Variants in THRB observed in about 807,000 individuals in gnomAD.
The protein encoded by THRB is nuclear receptor subfamily 1 group A member 2.
THRB carries 12 observed loss-of-function variants against 47.8 expected under a neutral mutation model. The observed-to-expected ratio is 0.25, with a 90% confidence interval of 0.16 to 0.41. The LOEUF (loss-of-function observed/expected upper bound fraction) is 0.41, where lower values mean the gene tolerates loss of function less well. Among genes scored for constraint, THRB ranks in the 10% least tolerant of loss-of-function variants. The pLI is 1.00. For synonymous variants in THRB, 218 were observed against 212.2 expected, an observed-to-expected ratio of 1.03 and a Z score of -0.24; for missense variants, 348 against 589.2, an observed-to-expected ratio of 0.59 and a Z score of 4.24.
intron 5 of THRB, among the ~76,000 whole-genome samples, chr3:24,170,183 C>G (rs769064496): frequency 3.9e-5 from 6 of 152,206 alleles, no homozygotes; most frequent in Non-Finnish European, 8.8e-5. Flanking sequence ...CCACCATCCA[C>G]CTGGGAGCTT....
intron 3 of THRB, among the ~76,000 whole-genome samples, chr3:24,269,938 T>C (rs1414400032): frequency 6.6e-6 from 1 of 152,190 alleles, no homozygotes; most frequent in African/African-American, 2.4e-5. Flanking sequence ...CTGAATTGTT[T>C]TCTCACAAAA....
intron 1 of THRB, among the ~76,000 whole-genome samples, chr3:24,398,972 G>A (rs996177896): frequency 4.0e-5 from 6 of 151,734 alleles, no homozygotes; most frequent in Admixed American, 1.3e-4. Flanking sequence ...GCAAACTATC[G>A]CAAGGACAAA....
intron 1 of THRB, among the ~76,000 whole-genome samples, chr3:24,460,763 G>A (rs1439830390): frequency 6.6e-6 from 1 of 152,146 alleles, no homozygotes; most frequent in African/African-American, 2.4e-5. Flanking sequence ...GTGCTTCCAG[G>A]AATCTTAGTT....
chr3:24,142,357 C>G (rs1019869241), intron 8 of THRB, among the ~76,000 whole-genome samples: 3 of 152,224 alleles, frequency 2.0e-5, no homozygotes, highest in African/African-American at 7.2e-5. Flanking sequence ...CAACAAAGTG[C>G]TGGCACTATT....
intron 1 of THRB, among the ~76,000 whole-genome samples, chr3:24,415,654 AC>A (rs1274136016): frequency 1.3e-5 from 2 of 151,948 alleles, no homozygotes; most frequent in African/African-American, 2.4e-5. Flanking sequence ...AGAAATCCAA[AC>A]TATAAGGTAT....
At chr3:24,147,082 G>A (rs1159572334) in intron 6 of THRB, among the ~76,000 whole-genome samples, 2 of 151,988 alleles carry the variant, frequency 1.3e-5, no homozygotes, top group African/African-American at 4.8e-5. Flanking sequence ...GAGGCTAGTA[G>A]GAACATCTAG....
At chr3:24,337,426 A>G (rs938529168) in intron 1 of THRB, 55 bp from the exon 2 acceptor site, 1 of 152,248 alleles carries the variant, frequency 6.6e-6, no homozygotes, top group African/African-American at 2.4e-5. Context: ...AAAGTTTCCC[A>G]ACATTCGATT....
chr3:24,269,277 C>CCACACACACACACACA (rs4024153), intron 3 of THRB, among the ~76,000 whole-genome samples: 4 of 140,754 alleles, frequency 2.8e-5, no homozygotes, highest in African/African-American at 1.1e-4. Flanking sequence ...AATGGATACA[C>CCACACACACACACACA]CACACACACA....
intron 2 of THRB, among the ~76,000 whole-genome samples, chr3:24,307,047 A>G (rs1013829388): frequency 6.6e-6 from 1 of 151,632 alleles, no homozygotes; most frequent in Non-Finnish European, 1.5e-5. Flanking sequence ...TTTTATAAAT[A>G]TAATAATAAA....
chr3:24,282,677 T>C (rs1401574005), intron 3 of THRB, among the ~76,000 whole-genome samples: 1 of 145,634 alleles, frequency 6.9e-6, no homozygotes, highest in Non-Finnish European at 1.5e-5. Flanking sequence ...ACAAAATTGA[T>C]AGACCGCTAG....
intron 1 of THRB, among the ~76,000 whole-genome samples, chr3:24,434,286 G>GTTT (rs1013957141): frequency 6.6e-6 from 1 of 152,194 alleles, no homozygotes; most frequent in Admixed American, 6.5e-5. Flanking sequence ...GGAGCCTTCT[G>GTTT]TTTTTAATTC....
At chr3:24,428,986 T>C (rs1024418526) in intron 1 of THRB, among the ~76,000 whole-genome samples, 3 of 151,220 alleles carry the variant, frequency 2.0e-5, no homozygotes, top group Non-Finnish European at 1.5e-5. Flanking sequence ...AAGCAATAAA[T>C]AATTGTTTTG....
chr3:24,429,103 AC>A (rs1167222710), intron 1 of THRB, among the ~76,000 whole-genome samples: 1 of 151,664 alleles, frequency 6.6e-6, no homozygotes, highest in African/African-American at 2.4e-5. Context: ...TAGCCATAAA[AC>A]CCCTAATTCT....
chr3:24,205,304 C>G (rs2045187816), intron 4 of THRB, among the ~76,000 whole-genome samples: 1 of 152,198 alleles, frequency 6.6e-6, no homozygotes, highest in Non-Finnish European at 1.5e-5. Context: ...TAGCAGATCT[C>G]TCGGCAGAAA....
intron 1 of THRB, among the ~76,000 whole-genome samples, chr3:24,460,237 A>C (rs1287421560): frequency 6.6e-6 from 1 of 152,236 alleles, no homozygotes; most frequent in Non-Finnish European, 1.5e-5. Context: ...CTTTCTAAAA[A>C]TACGAGAAGG....
At chr3:24,300,695 T>C (rs1165289173) in intron 2 of THRB, among the ~76,000 whole-genome samples, 1 of 152,238 alleles carries the variant, frequency 6.6e-6, no homozygotes, top group Non-Finnish European at 1.5e-5. Context: ...GTGGTGGATA[T>C]TATCGCTCCT....
chr3:24,267,852 G>A (rs141788777), intron 3 of THRB, among the ~76,000 whole-genome samples: 46 of 152,156 alleles, frequency 3.0e-4, no homozygotes, highest in Admixed American at 8.5e-4. Context: ...CTGTGGTCCC[G>A]GTACCCATCC....
At chr3:24,374,784 T>C (rs1286578263) in intron 1 of THRB, among the ~76,000 whole-genome samples, 1 of 152,096 alleles carries the variant, frequency 6.6e-6, no homozygotes, top group Non-Finnish European at 1.5e-5. Flanking sequence ...TAAGAGAAAA[T>C]GCTTGAATCA....
chr3:24,435,545 T>C (rs983052577), intron 1 of THRB, among the ~76,000 whole-genome samples: 1 of 152,118 alleles, frequency 6.6e-6, no homozygotes, highest in Non-Finnish European at 1.5e-5. Context: ...ACTTCCCCTC[T>C]CCCTAACTTG....
Sources: allele counts gnomAD v4.1 joint callset (sites outside exome capture counted in the v4.1 genomes callset), GRCh38; gene constraint gnomAD v4.1.1; transcripts MANE v1.5; gene names NCBI Gene and HGNC (gene_info 2026-07-23, HGNC 2026-07-21).